Variants in KLRD1 observed in about 807,000 individuals in gnomAD.
The protein encoded by KLRD1 is natural killer cells antigen CD94.
In KLRD1, 21 loss-of-function variants were observed where a neutral mutation model predicts 22.6. That is an observed-to-expected ratio of 0.93 (90% CI 0.66 to 1.34). The LOEUF (loss-of-function observed/expected upper bound fraction) is 1.34. KLRD1 is among the 40% of genes most tolerant of loss of function. The pLI is 0.00. For missense variants in KLRD1, 183 were observed against 208.6 expected (o/e 0.88, Z 0.76); for synonymous variants, 59 against 71.1 (o/e 0.83, Z 0.85).
At chr12:10,290,936 G>T (rs1274845083) in intron 1 of KLRD1, among the ~76,000 whole-genome samples, 1 of 152,050 alleles carries the variant, frequency 6.6e-6, no homozygotes, top group Non-Finnish European at 1.5e-5. Context: ...TCCTGGTTTT[G>T]ACATTGTACT....
At chr12:10,274,602 GCTGT>G (rs1335940221) in intron 1 of KLRD1, among the ~76,000 whole-genome samples, 1 of 152,012 alleles carries the variant, frequency 6.6e-6, no homozygotes, top group Admixed American at 6.6e-5. Context: ...TCTTTTTCAT[GCTGT>G]CTCTTTGTCT....
intron 1 of KLRD1, among the ~76,000 whole-genome samples, chr12:10,295,507 T>TC (rs1460772156): frequency 6.6e-6 from 1 of 151,534 alleles, no homozygotes; most frequent in Non-Finnish European, 1.5e-5. Flanking sequence ...TCCCATTTTT[T>TC]TTTGGAAAAA....
chr12:10,249,579 T>C (rs1949326009), intron 1 of KLRD1, among the ~76,000 whole-genome samples: 1 of 152,176 alleles, frequency 6.6e-6, no homozygotes, highest in African/African-American at 2.4e-5. Flanking sequence ...ATCAAAATGC[T>C]TCCAAGAAAA....
At position 10,313,403 on chromosome 12, in the gene KLRD1, G is replaced by A. The variant is rs1217613258; in HGVS notation, c.316-7G>A. On this transcript the variant is annotated splice_region_variant and splice_polypyrimidine_tract_variant and intron_variant, in intron 4 of 5. Transcript: ENST00000336164. ...AGATTAATGTGATTGTCTTTTACTTGAAGCAGGATTTTATGAGCTCCAGTC... is the reference window on the plus strand; with the variant it reads ...AGATTAATGTGATTGTCTTTTACTTAAAGCAGGATTTTATGAGCTCCAGTC... The A allele has an allele frequency of 6.5e-7, 1 of 1,541,724 alleles. No homozygotes were observed. The highest frequency in any genetic ancestry group is 8.9e-7 in the Non-Finnish European group (1 of 1,125,414).
intron 5 of KLRD1, 25 bp from the exon 6 acceptor site, chr12:10,314,648 G>A: frequency 2.0e-6 from 3 of 1,529,462 alleles, no homozygotes; most frequent in Non-Finnish European, 2.6e-6. Context: ...TTTTGTGTAT[G>A]TGAACATTTT....
chr12:10,321,472 TA>T lies in KLRD1; in HGVS notation c.*6680del, dbSNP rs1950311732. On this transcript the variant is annotated 3_prime_UTR_variant, in exon 6 of 6. Transcript: ENST00000336164. Reference sequence around the variant, plus strand: ...ACATAAATCATTTGGGGCCAAAGATTAGACTCTTGTAAACAGCTTCCTATAT... The same window carrying T: ...ACATAAATCATTTGGGGCCAAAGATTGACTCTTGTAAACAGCTTCCTATAT... 1 of 152,192 alleles carries T rather than the reference TA, an allele frequency of 6.6e-6. No homozygotes were observed. Among genetic ancestry groups the T allele is most frequent in the Non-Finnish European group, 1.5e-5 (1 of 68,034 alleles). 9.4% of individuals were successfully genotyped at this position (152,192 alleles called of 1,614,324 possible).
Position 10,324,818 on chromosome 12 carries a change from G to GTGTGTGTATATATATATA in KLRD1, c.*10026_*10027insGTGTGTATATATATATAT, listed in dbSNP as rs750696767. On this transcript the variant is annotated 3_prime_UTR_variant, in exon 6 of 6. Transcript: ENST00000336164. ...AGTATATATGTATATGTGTGTGTGT[G>GTGTGTGTATATATATATA]TATATATATATATATATATATATAT... The GTGTGTGTATATATATATA allele has an allele frequency of 2.8e-4, 21 of 74,150 alleles. No individual in the cohort carries two copies. Among genetic ancestry groups the GTGTGTGTATATATATATA allele is most frequent in the South Asian group, 6.8e-4 (1 of 1,466 alleles). 4.6% of individuals were successfully genotyped at this position (74,150 alleles called of 1,614,324 possible).
rs1950370394 is a variant in KLRD1, at chr12:10,327,357, G to T, written c.*12564G>T. The T allele has an allele frequency of 6.6e-6, 1 of 152,132 alleles. No individual in the cohort carries two copies. The highest frequency in any genetic ancestry group is 6.6e-5 in the Admixed American group (1 of 15,260). 9.4% of individuals were successfully genotyped at this position (152,132 alleles called of 1,614,324 possible). On this transcript the variant is annotated 3_prime_UTR_variant, in exon 6 of 6. Coordinates refer to ENST00000336164, the MANE Select transcript of KLRD1 (RefSeq NM_002262.5). ...CTCTGGCCTTCTGTTTCTTGCTCAA[G>T]ATTTGTTTGGCTATTCAGGGCTTTT... is the stretch of plus-strand genomic sequence containing the variant.
intron 3 of KLRD1, among the ~76,000 whole-genome samples, chr12:10,310,832 T>C (rs1950048330): frequency 6.6e-6 from 1 of 152,218 alleles, no homozygotes; most frequent in Non-Finnish European, 1.5e-5. Context: ...TCTTCAGCAC[T>C]ACTTATATGG....
intron 5 of KLRD1, 61 bp downstream of exon 5, chr12:10,313,574 A>G: frequency 1.1e-6 from 1 of 926,302 alleles, no homozygotes; most frequent in Non-Finnish European, 1.7e-6. Flanking sequence ...AAATGTGACT[A>G]GTAAAGGTAA....
chr12:10,286,486 A>C (rs1949703944), intron 1 of KLRD1, among the ~76,000 whole-genome samples: 1 of 152,120 alleles, frequency 6.6e-6, no homozygotes, highest in Non-Finnish European at 1.5e-5. Flanking sequence ...TATGTAACCT[A>C]CTCAAGTTTA....
Position 10,318,842 on chromosome 12 carries a change from C to CACCCAGGCTGGAG in KLRD1, c.*4049_*4050insACCCAGGCTGGAG. On this transcript the variant is annotated 3_prime_UTR_variant, in exon 6 of 6. Coordinates refer to ENST00000336164, the MANE Select transcript of KLRD1 (RefSeq NM_002262.5). ...GCCTGGGTGACAGAGGAGACTCCGT[C>CACCCAGGCTGGAG]TCCAAAAAAAAAAAAAAAAAAAAAG... The CACCCAGGCTGGAG allele has an allele frequency of 9.0e-6, 1 of 110,892 alleles. No individual in the cohort carries two copies. The highest frequency in any genetic ancestry group is 1.7e-5 in the Non-Finnish European group (1 of 59,380). 6.9% of individuals were successfully genotyped at this position (110,892 alleles called of 1,614,324 possible).
At chr12:10,302,662 TA>T (rs1949876592), upstream of KLRD1, among the ~76,000 whole-genome samples, 2 of 151,544 alleles carry the variant, frequency 1.3e-5, no homozygotes, top group South Asian at 4.2e-4. Context: ...AGTGAAACCA[TA>T]AGGGTATAGA....
In KLRD1 at chr12:10,243,631, A is replaced by AAAAAAAAAAAAAAAAAAAAAAAAAAAG. The variant is rs771543645; in HGVS notation, c.-101+17400_-101+17401insAAAAAAAAAAAAAAAAAAAAAAAAGAA. Reference sequence around the variant, plus strand: ...CCAAAAAAAAAAAAAAAAAAAAAAAAAACCGAAATGAAAGATATGGAACAA... The same window carrying AAAAAAAAAAAAAAAAAAAAAAAAAAAG: ...CCAAAAAAAAAAAAAAAAAAAAAAAAAAAAAAAAAAAAAAAAAAAAAAAAAAGAACCGAAATGAAAGATATGGAACAA... On this transcript the variant is annotated intron_variant, in intron 1 of 5. Transcript: ENST00000544747. Among the ~76,000 whole-genome samples, 27 of 118,784 alleles carry AAAAAAAAAAAAAAAAAAAAAAAAAAAG rather than the reference A, an allele frequency of 2.3e-4. 3 individuals carry two copies. Among genetic ancestry groups the AAAAAAAAAAAAAAAAAAAAAAAAAAAG allele is most frequent in the East Asian group, 9.9e-4 (3 of 3,026 alleles). The allele number at this position is 118,784 out of a possible 152,430, so 77.9% of individuals were successfully genotyped here.
At chr12:10,277,136 T>A (rs1372285061) in intron 1 of KLRD1, among the ~76,000 whole-genome samples, 2 of 150,332 alleles carry the variant, frequency 1.3e-5, no homozygotes, top group African/African-American at 4.9e-5. Context: ...TTTTTTTTTT[T>A]TAGATATTTG....
chr12:10,245,970 T>C (rs1949287161), intron 1 of KLRD1, among the ~76,000 whole-genome samples: 1 of 152,152 alleles, frequency 6.6e-6, no homozygotes, highest in Non-Finnish European at 1.5e-5. Flanking sequence ...AGATGTGAGC[T>C]ACCATGCCTG....
upstream of KLRD1, among the ~76,000 whole-genome samples, chr12:10,303,034 C>T (rs1398307519): frequency 3.9e-5 from 6 of 152,118 alleles, no homozygotes; most frequent in Admixed American, 3.3e-4. Context: ...AACTAAATTC[C>T]TCCCAAAGTT....
rs1950187086 is a variant in KLRD1 at position 10,314,877 on chromosome 12, T to C, written c.*84T>C. On this transcript the variant is annotated 3_prime_UTR_variant, in exon 6 of 6. Transcript: ENST00000336164. ...AGTTGCATGTTATATTATTACTAAT[T>C]GTCTACTTCTGGAGTCTATAAAATG... The C allele has an allele frequency of 3.2e-6, 4 of 1,260,332 alleles. No homozygotes were observed. In the Admixed American group the frequency reaches 9.2e-5, roughly 29 times the overall value. 78.1% of individuals were successfully genotyped at this position (1,260,332 alleles called of 1,614,324 possible). A position where few individuals can be genotyped will look rare whatever the true frequency, so the allele number is the denominator to read the frequency against.
intron 1 of KLRD1, among the ~76,000 whole-genome samples, chr12:10,295,615 A>C (rs544872769): frequency 6.6e-6 from 1 of 152,374 alleles, no homozygotes; most frequent in South Asian, 2.1e-4. Context: ...GTACTTTAAA[A>C]TACAGGTGAT....
Sources: gnomAD v4.1 joint callset for allele counts (sites outside exome capture counted in the v4.1 genomes callset) on GRCh38, gnomAD v4.1.1 for gene constraint, MANE v1.5 for transcripts, NCBI Gene and HGNC (gene_info 2026-07-23, HGNC 2026-07-21) for gene names.